The following ADARB2 variants were observed in gnomAD, a reference collection of about 807,000 sequenced individuals.
ADARB2 encodes adenosine deaminase RNA specific B2 (inactive).
Under a neutral mutation model 62.2 loss-of-function variants are expected in ADARB2, and 25 were observed. The ratio of observed to expected loss-of-function variants is 0.40; its 90% CI spans 0.29 to 0.56. The LOEUF is 0.56. ADARB2 is among the 20% of genes least tolerant of loss of function. ADARB2 has a pLI of 0.43. For missense variants in ADARB2, 1,071 were observed against 1,077.4 expected, an observed-to-expected ratio of 0.99 and a Z score of 0.08; for synonymous variants, 572 against 500.8, an observed-to-expected ratio of 1.14 and a Z score of -1.90.
chr10:1,467,140 G>A (rs1831264367), intron 1 of ADARB2, among the ~76,000 whole-genome samples: 1 of 152,128 alleles, frequency 6.6e-6, no homozygotes, highest in African/African-American at 2.4e-5. Flanking sequence ...TATAGCCACT[G>A]TCTAAACATT....
chr10:1,514,178 A>AATATAAATATATATATATAT, intron 1 of ADARB2, among the ~76,000 whole-genome samples: 1 of 94,158 alleles, frequency 1.1e-5, no homozygotes. Flanking sequence ...GCTGTCTCAA[A>AATATAAATATATATATATAT]ATATATATAT....
chr10:1,724,566 G>A (rs1036764360), intron 1 of ADARB2, among the ~76,000 whole-genome samples: 5 of 152,128 alleles, frequency 3.3e-5, no homozygotes, highest in Admixed American at 1.3e-4. Flanking sequence ...CTGGGTCCCC[G>A]ACAGAAAGTG....
At chr10:1,732,859 C>T (rs182421142) in intron 1 of ADARB2, among the ~76,000 whole-genome samples, 165 of 152,350 alleles carry the variant, frequency 1.1e-3, no homozygotes, top group South Asian at 4.4e-3. Flanking sequence ...TCCATCTGCT[C>T]GACTTATTTT....
At chr10:1,522,572 C>T (rs1832086122) in intron 1 of ADARB2, among the ~76,000 whole-genome samples, 1 of 152,218 alleles carries the variant, frequency 6.6e-6, no homozygotes, top group African/African-American at 2.4e-5. Flanking sequence ...TCCACTTTTG[C>T]ATGTTCCAGC....
intron 1 of ADARB2, among the ~76,000 whole-genome samples, chr10:1,658,965 G>C (rs1014194400): frequency 6.6e-6 from 1 of 152,198 alleles, no homozygotes; most frequent in African/African-American, 2.4e-5. Context: ...CCCAGACACT[G>C]TGGTTCTGTT....
At chr10:1,538,502 G>A (rs1322733731) in intron 1 of ADARB2, among the ~76,000 whole-genome samples, 1 of 152,240 alleles carries the variant, frequency 6.6e-6, no homozygotes, top group African/African-American at 2.4e-5. Context: ...AGAGCCCAGT[G>A]TGAGTTATCT....
At chr10:1,476,898 C>T (rs768729123) in intron 1 of ADARB2, among the ~76,000 whole-genome samples, 7 of 152,058 alleles carry the variant, frequency 4.6e-5, no homozygotes, top group African/African-American at 1.2e-4. Flanking sequence ...TGAGGGTGGC[C>T]GCATGATATT....
At chr10:1,251,205 A>G (rs546525400) in intron 4 of ADARB2, among the ~76,000 whole-genome samples, 4 of 152,364 alleles carry the variant, frequency 2.6e-5, no homozygotes, top group South Asian at 4.1e-4. Flanking sequence ...AGGTGAATGG[A>G]TAAATCATGG....
intron 1 of ADARB2, among the ~76,000 whole-genome samples, chr10:1,619,553 G>A (rs1382180815): frequency 2.0e-5 from 3 of 152,196 alleles, no homozygotes; most frequent in Admixed American, 2.0e-4. Flanking sequence ...CCAGGTTCAA[G>A]CAATTCTCCT....
chr10:1,242,335 AC>A (rs926638429), intron 4 of ADARB2, 36 bp from the exon 5 acceptor site: 2 of 1,510,650 alleles, frequency 1.3e-6, no homozygotes, highest in Admixed American at 2.0e-5. Flanking sequence ...AGCGTGGCCC[AC>A]GGCCCCCGTC....
intron 1 of ADARB2, among the ~76,000 whole-genome samples, chr10:1,473,253 C>G (rs1424889994): frequency 6.6e-6 from 1 of 152,354 alleles, no homozygotes; most frequent in East Asian, 1.9e-4. Context: ...GTCTCTTCTT[C>G]TGCCTTATGC....
intron 6 of ADARB2, among the ~76,000 whole-genome samples, chr10:1,222,692 T>A (rs1296439085): frequency 6.7e-6 from 1 of 149,626 alleles, no homozygotes; most frequent in Non-Finnish European, 1.5e-5. Flanking sequence ...CCATTGCTTG[T>A]TTTTGTCAGG....
rs185218569 is a variant in ADARB2 at position 1,446,103 on chromosome 10, T to C, written c.101-66943A>G. On this transcript the variant is annotated intron_variant, in intron 1 of 9. Coordinates refer to ENST00000381312, the MANE Select transcript of ADARB2 (RefSeq NM_018702.4). ...AAACATGAGGTCATTAAGTTAATGC[T>C]TTGCGTTGTCATGGACCAGGACAAG... is the stretch of plus-strand genomic sequence containing the variant. Among the ~76,000 whole-genome samples the C allele has an allele frequency of 4.9e-3, 739 of 152,326 alleles. 4 individuals are homozygous for C. The highest frequency in any genetic ancestry group is 0.02 in the Middle Eastern group (6 of 294).
chr10:1,464,183 G>A (rs1034500088), intron 1 of ADARB2, among the ~76,000 whole-genome samples: 4 of 143,104 alleles, frequency 2.8e-5, no homozygotes, highest in Non-Finnish European at 4.7e-5. Context: ...GCAGTGCGCC[G>A]GAGAAGAGGG....
At chr10:1,362,808 G>A (rs1832272053) in intron 3 of ADARB2, among the ~76,000 whole-genome samples, 1 of 152,214 alleles carries the variant, frequency 6.6e-6, no homozygotes, top group African/African-American at 2.4e-5. Context: ...CGGCCTCGCT[G>A]TCTCCTCCCG....
At chr10:1,608,582 A>G (rs1454981550) in intron 1 of ADARB2, among the ~76,000 whole-genome samples, 1 of 149,774 alleles carries the variant, frequency 6.7e-6, no homozygotes, top group African/African-American at 2.5e-5. Flanking sequence ...GGAAGGAGAG[A>G]GGAAGGAAAA....
intron 4 of ADARB2, among the ~76,000 whole-genome samples, chr10:1,247,588 T>C (rs1830998401): frequency 6.6e-6 from 1 of 152,130 alleles, no homozygotes; most frequent in African/African-American, 2.4e-5. Flanking sequence ...CTCCCCTCGG[T>C]GCCATGAGGG....
rs115734625 is a variant in ADARB2, at chr10:1,380,448, A to G, written c.101-1288T>C. On this transcript the variant is annotated intron_variant, in intron 1 of 9. Coordinates refer to ENST00000381312, the MANE Select transcript of ADARB2 (RefSeq NM_018702.4). ...AAGGACGGCTGTCCACAGGTGCCCC[A>G]CCGTGGCACTGTATACCTCCTTCAG... Among the ~76,000 whole-genome samples the G allele has an allele frequency of 9.5e-3, 1,440 of 152,320 alleles. 29 individuals are homozygous for G. The highest frequency in any genetic ancestry group is 0.032 in the African/African-American group (1,314 of 41,566).
rs1456172106 is a variant in ADARB2, at chr10:1,554,359, G to C, written c.101-175199C>G. Among the ~76,000 whole-genome samples the C allele has an allele frequency of 3.3e-5, 5 of 152,206 alleles. No individual in the cohort carries two copies. The East Asian group carries it at 7.7e-4, about 23-fold the overall frequency. ...AAATTCCCTCTGGTTTAAACGCAGAGAGTCATTTTGTTCTCACGGTTGGGC... is the reference window on the plus strand; with the variant it reads ...AAATTCCCTCTGGTTTAAACGCAGACAGTCATTTTGTTCTCACGGTTGGGC... On this transcript the variant is annotated intron_variant, in intron 1 of 9. Transcript: ENST00000381312.
Sources: gnomAD v4.1 joint callset for allele counts (sites outside exome capture counted in the v4.1 genomes callset) on GRCh38, gnomAD v4.1.1 for gene constraint, MANE v1.5 for transcripts, NCBI Gene and HGNC (gene_info 2026-07-23, HGNC 2026-07-21) for gene names.